SAMD5: variants seen among roughly 807,000 people sequenced by gnomAD.
SAMD5 encodes sterile alpha motif domain-containing protein 5.
SAMD5 carries 13 observed loss-of-function variants against 11.3 expected under a neutral mutation model. The observed-to-expected ratio is 1.15, with a 90% confidence interval of 0.75 to 1.83. The LOEUF is 1.83. Ranked by LOEUF, SAMD5 falls within the 40% of genes most tolerant of loss-of-function variation. The pLI, the probability that SAMD5 is intolerant of heterozygous loss-of-function variation, is 0.00. For missense variants in SAMD5, 255 were observed against 239.1 expected (o/e 1.07, Z -0.44); for synonymous variants, 129 against 111.3 (o/e 1.16, Z -1.00).
the SAMD5 span, among the ~76,000 whole-genome samples, chr6:147,799,474 C>T: frequency 1.3e-5 from 2 of 151,206 alleles, no homozygotes; most frequent in African/African-American, 2.4e-5. Context: ...GAGGGTAACC[C>T]GACCTTTCTC....
intron 1 of SAMD5, among the ~76,000 whole-genome samples, chr6:147,539,341 G>T (rs988167282): frequency 2.6e-5 from 4 of 152,172 alleles, no homozygotes; most frequent in Admixed American, 2.6e-4. Context: ...GTGGCTGAGA[G>T]CATGCTTCTC....
intron 1 of SAMD5, among the ~76,000 whole-genome samples, chr6:147,644,921 G>A (rs959064667): frequency 2.0e-5 from 3 of 152,152 alleles, no homozygotes; most frequent in Non-Finnish European, 2.9e-5. Flanking sequence ...CACTAGGGAC[G>A]CTGAATTTTG....
intron 1 of SAMD5, among the ~76,000 whole-genome samples, chr6:147,664,144 CTATT>C (rs1445366182): frequency 6.6e-6 from 1 of 152,084 alleles, no homozygotes; most frequent in Non-Finnish European, 1.5e-5. Flanking sequence ...TGTATCATCT[CTATT>C]TAAATTTTCT....
At position 147,565,430 on chromosome 6, in the gene SAMD5, A is replaced by G. The variant is rs1351349743; in HGVS notation, c.*974A>G. The G allele has an allele frequency of 2.0e-6, 2 of 983,960 alleles. No individual in the cohort carries two copies. The highest frequency in any genetic ancestry group is 2.3e-4 in the East Asian group (2 of 8,710). The allele number at this position is 983,960 out of a possible 1,614,324, so 61.0% of individuals were successfully genotyped here. On this transcript the variant is annotated 3_prime_UTR_variant, in exon 2 of 2. Transcript: ENST00000367474. ...GGAATCTAGAGTTTTTCTAATTCTT[A>G]TCGTCTTATCGTTCTTGTGTTTGGA... is the stretch of plus-strand genomic sequence containing the variant.
intron 1 of SAMD5, among the ~76,000 whole-genome samples, chr6:147,687,522 T>C (rs577600891): frequency 6.6e-6 from 1 of 152,208 alleles, no homozygotes; most frequent in South Asian, 2.1e-4. Flanking sequence ...TCTGCCCACA[T>C]TGGCCTCCCA....
At chr6:147,890,584 C>T in the SAMD5 span, among the ~76,000 whole-genome samples, 2 of 152,056 alleles carry the variant, frequency 1.3e-5, no homozygotes, top group South Asian at 4.2e-4. Flanking sequence ...GTCTCAAGCT[C>T]CTGACCTCAG....
chr6:147,680,373 C>T (rs1161063812), intron 1 of SAMD5, among the ~76,000 whole-genome samples: 1 of 152,034 alleles, frequency 6.6e-6, no homozygotes, highest in East Asian at 1.9e-4. Context: ...GATCTTGTAT[C>T]CTACAAACTT....
At chr6:147,768,605 A>G in the SAMD5 span, among the ~76,000 whole-genome samples, 1 of 151,196 alleles carries the variant, frequency 6.6e-6, no homozygotes, top group Non-Finnish European at 1.5e-5. Flanking sequence ...CTATGTGCCA[A>G]ACACTGTGCT....
the SAMD5 span, among the ~76,000 whole-genome samples, chr6:147,926,056 A>C: frequency 6.6e-6 from 1 of 152,216 alleles, no homozygotes; most frequent in African/African-American, 2.4e-5. Context: ...CATGGTATAT[A>C]TGTACCACAT....
the SAMD5 span, among the ~76,000 whole-genome samples, chr6:147,829,118 T>G: frequency 6.6e-6 from 1 of 152,224 alleles, no homozygotes; most frequent in African/African-American, 2.4e-5. Flanking sequence ...AGAGGTAAGT[T>G]TAGGCCAAAT....
chr6:147,771,452 T>G, the SAMD5 span, among the ~76,000 whole-genome samples: 2 of 152,160 alleles, frequency 1.3e-5, no homozygotes, highest in Non-Finnish European at 2.9e-5. Flanking sequence ...GCCCTGGTAA[T>G]CATAACTCAT....
At position 147,566,521 on chromosome 6, in the gene SAMD5, T is replaced by C. The variant is rs1789044069; in HGVS notation, c.*2065T>C. The C allele has an allele frequency of 5.1e-6, 5 of 985,750 alleles. No homozygotes were observed. The highest frequency in any genetic ancestry group is 6.0e-6 in the Non-Finnish European group (5 of 829,806). 61.1% of individuals were successfully genotyped at this position (985,750 alleles called of 1,614,324 possible). A position where few individuals can be genotyped will look rare whatever the true frequency, so the allele number is the denominator to read the frequency against. ...TCAATTTTTGAAAAATCTGTTATTT[T>C]CACTGTGGGCCTTATGAGGCAATCT... On this transcript the variant is annotated 3_prime_UTR_variant, in exon 2 of 2. Transcript: ENST00000367474.
At chr6:147,943,512 A>C in the SAMD5 span, among the ~76,000 whole-genome samples, 1 of 151,500 alleles carries the variant, frequency 6.6e-6, no homozygotes, top group African/African-American at 2.4e-5. Context: ...TTTCATTCTG[A>C]GGGCTCCTCC....
chr6:147,935,132 G>A, the SAMD5 span, among the ~76,000 whole-genome samples: 1 of 152,150 alleles, frequency 6.6e-6, no homozygotes, highest in Admixed American at 6.5e-5. Flanking sequence ...CTGTGCAAAG[G>A]TTGGAATAGA....
In SAMD5 at chr6:147,567,799, A is replaced by T; in HGVS notation, c.*3343A>T. 1.0e-6 allele frequency: 1 copy of T among 985,362 alleles called. No homozygotes were observed. Among genetic ancestry groups the T allele is most frequent in the Non-Finnish European group, 1.2e-6 (1 of 829,872 alleles). 61.0% of individuals were successfully genotyped at this position (985,362 alleles called of 1,614,324 possible). On this transcript the variant is annotated 3_prime_UTR_variant, in exon 2 of 2. Transcript: ENST00000367474. ...TCCCCTTTGATTTCTCTCAGGAAGG[A>T]TAAAAAAGGCTACAGTACCTGCTCA...
intron 1 of SAMD5, among the ~76,000 whole-genome samples, chr6:147,517,258 A>C (rs1788185044): frequency 6.6e-6 from 1 of 152,350 alleles, no homozygotes; most frequent in African/African-American, 2.4e-5. Flanking sequence ...AGGACAGTGA[A>C]GCTGTATTGC....
downstream of SAMD5, among the ~76,000 whole-genome samples, chr6:147,570,441 A>C (rs1416373875): frequency 6.6e-6 from 1 of 152,162 alleles, no homozygotes; most frequent in East Asian, 1.9e-4. Context: ...TCAACTACAG[A>C]TAAGCAATAT....
downstream of SAMD5, among the ~76,000 whole-genome samples, chr6:147,740,689 G>A (rs1201523435): frequency 6.6e-6 from 1 of 151,974 alleles, no homozygotes; most frequent in Non-Finnish European, 1.5e-5. Context: ...GGAAAAACGA[G>A]GCCATTCTTA....
At chr6:147,708,242 A>G (rs1057119614) in intron 1 of SAMD5, among the ~76,000 whole-genome samples, 2 of 152,162 alleles carry the variant, frequency 1.3e-5, no homozygotes, top group Non-Finnish European at 1.5e-5. Context: ...AGACACAAAC[A>G]TAGACAGAAG....
Sources: allele counts gnomAD v4.1 joint callset (sites outside exome capture counted in the v4.1 genomes callset), GRCh38; gene constraint gnomAD v4.1.1; transcripts MANE v1.5; gene names NCBI Gene and HGNC (gene_info 2026-07-23, HGNC 2026-07-21).